AHI1: variants seen among roughly 807,000 people sequenced by gnomAD.
AHI1 encodes the protein jouberin.
AHI1 carries 123 observed loss-of-function variants against 149.3 expected under a neutral mutation model. That is an observed-to-expected ratio of 0.82 (90% CI 0.71 to 0.96). AHI1 has a LOEUF of 0.96. Among genes scored for constraint, AHI1 ranks in the 40% least tolerant of loss-of-function variants. The pLI is 0.00. For missense variants in AHI1, 1,439 were observed against 1,422.7 expected (o/e 1.01, Z -0.18); for synonymous variants, 475 against 459.8 (o/e 1.03, Z -0.42).
chr6:135,352,030 T>C (rs1329504646), intron 24 of AHI1, among the ~76,000 whole-genome samples: 2 of 152,232 alleles, frequency 1.3e-5, no homozygotes, highest in Non-Finnish European at 2.9e-5. Context: ...CAAGTCTTTT[T>C]ATAAGCATAC....
intron 5 of AHI1, among the ~76,000 whole-genome samples, chr6:135,485,345 G>T (rs1001755218): frequency 6.6e-6 from 1 of 152,150 alleles, no homozygotes; most frequent in African/African-American, 2.4e-5. Context: ...AAAATGCTAG[G>T]ACTACAAGTG....
intron 27 of AHI1, among the ~76,000 whole-genome samples, chr6:135,296,693 T>A (rs75888140): frequency 1.8e-3 from 280 of 152,300 alleles, no homozygotes; most frequent in African/African-American, 6.3e-3. Flanking sequence ...TCCTTTCCCC[T>A]ACCCATGCTT....
intron 22 of AHI1, among the ~76,000 whole-genome samples, chr6:135,403,065 T>C (rs911273003): frequency 6.6e-6 from 1 of 152,200 alleles, no homozygotes; most frequent in African/African-American, 2.4e-5. Flanking sequence ...ACTCCATTTA[T>C]ATGAAATGTT....
At position 135,385,099 on chromosome 6, in the gene AHI1, C is replaced by CA. The variant is rs1242965586; in HGVS notation, c.3109+9676dup. Reference sequence around the variant, plus strand: ...GCAAGACACCATCCCCCCCACCTCCCAAAAAAGTAAATTAATTAAAATGAA... The same window carrying CA: ...GCAAGACACCATCCCCCCCACCTCCCAAAAAAAGTAAATTAATTAAAATGAA... On this transcript the variant is annotated intron_variant, in intron 23 of 28. Coordinates refer to ENST00000265602, the MANE Select transcript of AHI1 (RefSeq NM_001134831.2). 7.4e-4 allele frequency among the ~76,000 whole-genome samples: 113 copies of CA among 152,024 alleles called. 1 individual carries two copies. The highest frequency in any genetic ancestry group is 2.6e-3 in the African/African-American group (107 of 41,462).
intron 27 of AHI1, among the ~76,000 whole-genome samples, chr6:135,296,784 C>T (rs906077347): frequency 1.3e-5 from 2 of 152,178 alleles, no homozygotes; most frequent in African/African-American, 4.8e-5. Flanking sequence ...AAAATGTTAG[C>T]TCCTTATAGC....
chr6:135,411,614 A>G, intron 20 of AHI1, 70 bp from the exon 21 acceptor site: 3 of 1,286,240 alleles, frequency 2.3e-6, no homozygotes, highest in Non-Finnish European at 3.1e-6. Flanking sequence ...AAACTGTAGC[A>G]TTCAACAAAT....
intron 24 of AHI1, among the ~76,000 whole-genome samples, chr6:135,342,503 C>T (rs1166110008): frequency 6.6e-6 from 1 of 151,600 alleles, no homozygotes; most frequent in Admixed American, 6.6e-5. Flanking sequence ...AAAAATATAC[C>T]AATAAACAGA....
chr6:135,438,718 TAC>T (rs1400615692), intron 14 of AHI1, among the ~76,000 whole-genome samples: 2 of 152,128 alleles, frequency 1.3e-5, no homozygotes, highest in Non-Finnish European at 2.9e-5. Flanking sequence ...ATAATTTTGC[TAC>T]AATTATCAAT....
At chr6:135,440,266 G>A (rs1057453937) in intron 14 of AHI1, among the ~76,000 whole-genome samples, 2 of 152,098 alleles carry the variant, frequency 1.3e-5, no homozygotes, top group African/African-American at 2.4e-5. Flanking sequence ...AGCATGCTCT[G>A]GGAGGACAGC....
intron 27 of AHI1, among the ~76,000 whole-genome samples, chr6:135,292,605 G>A (rs959926931): frequency 2.0e-5 from 3 of 152,142 alleles, no homozygotes; most frequent in African/African-American, 7.2e-5. Flanking sequence ...GCACACATCT[G>A]GGAAAATCAC....
chr6:135,485,551 T>C (rs1250973766), intron 5 of AHI1, among the ~76,000 whole-genome samples: 1 of 152,204 alleles, frequency 6.6e-6, no homozygotes, highest in Non-Finnish European at 1.5e-5. Context: ...ATGTGTAATA[T>C]CTACTAATAA....
intron 9 of AHI1, among the ~76,000 whole-genome samples, chr6:135,456,794 A>ACC (rs1053901269): frequency 6.6e-6 from 1 of 152,136 alleles, no homozygotes; most frequent in Non-Finnish European, 1.5e-5. Flanking sequence ...CTATAGAAGT[A>ACC]CTCTTAGAAA....
chr6:135,300,729 A>C, intron 26 of AHI1, 171 bp from the exon 27 acceptor site: 1 of 1,220,138 alleles, frequency 8.2e-7, no homozygotes, highest in South Asian at 3.1e-5. Context: ...AGGACAATAT[A>C]TTTGCTCCCA....
intron 15 of AHI1, among the ~76,000 whole-genome samples, chr6:135,434,036 G>A (rs1785030252): frequency 6.6e-6 from 1 of 151,922 alleles, no homozygotes; most frequent in Non-Finnish European, 1.5e-5. Context: ...CCAATATACA[G>A]GTGCTATATA....
chr6:135,352,966 A>C (rs1336972122), intron 24 of AHI1, among the ~76,000 whole-genome samples: 3 of 151,940 alleles, frequency 2.0e-5, no homozygotes, highest in Non-Finnish European at 4.4e-5. Context: ...CAGTAATATA[A>C]AATTTTCAGA....
intron 17 of AHI1, among the ~76,000 whole-genome samples, chr6:135,430,239 G>A (rs1784462930): frequency 6.6e-6 from 1 of 151,928 alleles, no homozygotes; most frequent in Non-Finnish European, 1.5e-5. Context: ...TGTTTTTGTA[G>A]TATGTTCACT....
chr6:135,475,607 C>A (rs539731778), intron 5 of AHI1, among the ~76,000 whole-genome samples: 12 of 152,288 alleles, frequency 7.9e-5, no homozygotes, highest in African/African-American at 2.9e-4. Context: ...TAGCCCTCTA[C>A]ACAAAACCAT....
At chr6:135,472,761 T>C (rs905780254) in intron 5 of AHI1, among the ~76,000 whole-genome samples, 2 of 151,926 alleles carry the variant, frequency 1.3e-5, no homozygotes, top group Non-Finnish European at 2.9e-5. Context: ...CAAGACTCTT[T>C]ACATGTGTCT....
intron 21 of AHI1, among the ~76,000 whole-genome samples, chr6:135,407,819 T>C (rs1024523976): frequency 6.6e-6 from 1 of 152,206 alleles, no homozygotes; most frequent in Admixed American, 6.5e-5. Context: ...GAGATCATCC[T>C]GGCTAACACG....
Sources: gnomAD v4.1 joint callset for allele counts (sites outside exome capture counted in the v4.1 genomes callset) on GRCh38, gnomAD v4.1.1 for gene constraint, MANE v1.5 for transcripts, NCBI Gene and HGNC (gene_info 2026-07-23, HGNC 2026-07-21) for gene names.